The following EFNA5 variants were observed in gnomAD, a reference collection of about 807,000 sequenced individuals.
EFNA5 encodes ephrin A5.
In EFNA5, 5 loss-of-function variants were observed where a neutral mutation model predicts 22.9. That is an observed-to-expected ratio of 0.22 (90% CI 0.11 to 0.46). The LOEUF is 0.46. EFNA5 is among the 20% of genes least tolerant of loss of function. The pLI is 0.99. For synonymous variants in EFNA5, 113 were observed against 112.2 expected (o/e 1.01, Z -0.04); for missense variants, 237 against 293.3 (o/e 0.81, Z 1.40).
intron 1 of EFNA5, among the ~76,000 whole-genome samples, chr5:107,633,155 G>T (rs1247920969): frequency 6.6e-6 from 1 of 151,994 alleles, no homozygotes; most frequent in Non-Finnish European, 1.5e-5. Context: ...TTCATTATTT[G>T]TGAGTCATTT....
At chr5:107,456,698 A>C (rs1384594993) in intron 1 of EFNA5, among the ~76,000 whole-genome samples, 2 of 152,158 alleles carry the variant, frequency 1.3e-5, no homozygotes, top group African/African-American at 4.8e-5. Context: ...CTGCTGCTTT[A>C]GATGGGGCTG....
At chr5:107,400,279 T>A (rs903603030) in intron 2 of EFNA5, among the ~76,000 whole-genome samples, 1 of 146,460 alleles carries the variant, frequency 6.8e-6, no homozygotes, top group Non-Finnish European at 1.5e-5. Flanking sequence ...TAGAAAGATT[T>A]AAAAAAATGT....
intron 1 of EFNA5, among the ~76,000 whole-genome samples, chr5:107,624,895 A>G (rs1268513778): frequency 6.6e-6 from 1 of 152,156 alleles, no homozygotes; most frequent in Non-Finnish European, 1.5e-5. Context: ...TATATTTTAT[A>G]TATAAACATT....
chr5:107,617,259 AAG>A (rs978841568), intron 1 of EFNA5, among the ~76,000 whole-genome samples: 53 of 140,868 alleles, frequency 3.8e-4, no homozygotes, highest in Admixed American at 7.1e-4. Context: ...GAGAGAGAGA[AAG>A]AGAGAGAGAG....
At chr5:107,564,706 C>G (rs574283627) in intron 1 of EFNA5, among the ~76,000 whole-genome samples, 50 of 147,180 alleles carry the variant, frequency 3.4e-4, no homozygotes, top group Non-Finnish European at 6.5e-4. Flanking sequence ...GGGCTTCTTA[C>G]CTGATCCTTG....
intron 2 of EFNA5, among the ~76,000 whole-genome samples, chr5:107,415,688 T>C (rs1748487201): frequency 6.6e-6 from 1 of 152,262 alleles, no homozygotes; most frequent in African/African-American, 2.4e-5. Flanking sequence ...TCAAATGTTA[T>C]AAATTCTCAG....
At chr5:107,399,905 A>G (rs1033173186) in intron 2 of EFNA5, among the ~76,000 whole-genome samples, 1 of 152,238 alleles carries the variant, frequency 6.6e-6, no homozygotes. Flanking sequence ...CCGGTCAGAC[A>G]AGCAATTCTA....
intron 1 of EFNA5, among the ~76,000 whole-genome samples, chr5:107,433,737 A>AT (rs1482370333): frequency 6.6e-6 from 1 of 151,940 alleles, no homozygotes; most frequent in Non-Finnish European, 1.5e-5. Flanking sequence ...TCTATAAAAC[A>AT]TTTTTTTAAA....
chr5:107,594,255 GACATCC>G (rs1328984352), intron 1 of EFNA5, among the ~76,000 whole-genome samples: 1 of 152,116 alleles, frequency 6.6e-6, no homozygotes, highest in Non-Finnish European at 1.5e-5. Flanking sequence ...TATGTATGTA[GACATCC>G]ATTCATAATC....
intron 1 of EFNA5, among the ~76,000 whole-genome samples, chr5:107,616,662 A>T (rs1240751010): frequency 2.0e-5 from 3 of 152,184 alleles, no homozygotes; most frequent in Non-Finnish European, 4.4e-5. Flanking sequence ...AAAGAGCCAC[A>T]TTTCAGTTGC....
chr5:107,605,720 C>T (rs1472300057), intron 1 of EFNA5, among the ~76,000 whole-genome samples: 1 of 152,162 alleles, frequency 6.6e-6, no homozygotes, highest in Admixed American at 6.5e-5. Context: ...AAGTCACATA[C>T]TATTTAAACA....
At chr5:107,443,680 G>A (rs148733254) in intron 1 of EFNA5, among the ~76,000 whole-genome samples, 3,743 of 152,158 alleles carry the variant, frequency 0.025, 71 homozygotes, top group Non-Finnish European at 0.038. Context: ...TGGACACAGG[G>A]AGGGGAACAC....
chr5:107,452,364 G>T (rs1749584182), intron 1 of EFNA5, among the ~76,000 whole-genome samples: 1 of 151,936 alleles, frequency 6.6e-6, no homozygotes, highest in Non-Finnish European at 1.5e-5. Flanking sequence ...GACTTATACA[G>T]CTGACATTAA....
At chr5:107,640,673 T>C (rs1353784892) in intron 1 of EFNA5, among the ~76,000 whole-genome samples, 2 of 152,198 alleles carry the variant, frequency 1.3e-5, no homozygotes, top group African/African-American at 2.4e-5. Context: ...CAGCCAGCCC[T>C]GTCAATTTGG....
chr5:107,569,848 A>AAAAAGC (rs1293164512), intron 1 of EFNA5, among the ~76,000 whole-genome samples: 40 of 148,780 alleles, frequency 2.7e-4, no homozygotes, highest in Non-Finnish European at 5.2e-4. Context: ...AAAAAAAAAA[A>AAAAAGC]AAAAGCAAAC....
rs1321140552 is a variant in EFNA5 at position 107,514,004 on chromosome 5, A to C, written c.126-86495T>G. ...GCTGAACACAAAAACAACCAGGACC[A>C]CGGGGGTAGAAATAACAAGTCTCAC... is the stretch of plus-strand genomic sequence containing the variant. On this transcript the variant is annotated intron_variant, in intron 1 of 4. Coordinates refer to ENST00000333274, the MANE Select transcript of EFNA5 (RefSeq NM_001962.3). Among the ~76,000 whole-genome samples the C allele has an allele frequency of 2.6e-5, 4 of 152,368 alleles. No homozygotes were observed. The East Asian group carries it at 7.7e-4, about 29-fold the overall frequency.
intron 1 of EFNA5, among the ~76,000 whole-genome samples, chr5:107,620,958 G>A (rs1270633370): frequency 6.6e-6 from 1 of 152,198 alleles, no homozygotes; most frequent in African/African-American, 2.4e-5. Context: ...TCACGTGTAA[G>A]AGAGTGAGAA....
intron 1 of EFNA5, among the ~76,000 whole-genome samples, chr5:107,555,485 G>C (rs1462355517): frequency 6.6e-6 from 1 of 152,282 alleles, no homozygotes; most frequent in Non-Finnish European, 1.5e-5. Context: ...AATTGAGGCT[G>C]AAGTCATCAA....
At chr5:107,616,365 G>A (rs1055890959) in intron 1 of EFNA5, among the ~76,000 whole-genome samples, 1 of 152,102 alleles carries the variant, frequency 6.6e-6, no homozygotes, top group African/African-American at 2.4e-5. Context: ...CTTGGTTTAG[G>A]CTGCACTACC....
Sources: gnomAD v4.1 joint callset for allele counts (sites outside exome capture counted in the v4.1 genomes callset) on GRCh38, gnomAD v4.1.1 for gene constraint, MANE v1.5 for transcripts, NCBI Gene and HGNC (gene_info 2026-07-23, HGNC 2026-07-21) for gene names.